Variants in DACH1 observed in about 807,000 individuals in gnomAD.
DACH1 encodes dachshund family transcription factor 1, also known as dachshund homolog 1.
DACH1 carries 12 observed loss-of-function variants against 54.2 expected under a neutral mutation model. That is an observed-to-expected ratio of 0.22 (90% CI 0.14 to 0.36). The LOEUF (loss-of-function observed/expected upper bound fraction) is 0.36. DACH1 is among the 10% of genes least tolerant of loss of function. The pLI is 1.00. For synonymous variants in DACH1, 386 were observed against 366.2 expected (o/e 1.05, Z -0.62); for missense variants, 805 against 929.8 (o/e 0.87, Z 1.75).
chr13:71,497,267 T>C (rs1879512848), intron 6 of DACH1, among the ~76,000 whole-genome samples: 1 of 152,128 alleles, frequency 6.6e-6, no homozygotes, highest in Non-Finnish European at 1.5e-5. Flanking sequence ...ATAAATTTCA[T>C]TTTGGAAACT....
chr13:71,849,377 T>C (rs984510131), intron 1 of DACH1, among the ~76,000 whole-genome samples: 21 of 152,166 alleles, frequency 1.4e-4, no homozygotes, highest in African/African-American at 5.1e-4. Context: ...CTGCACAGTT[T>C]GCTATGGGCA....
chr13:71,627,306 T>C (rs1291318335), intron 3 of DACH1, among the ~76,000 whole-genome samples: 4 of 124,584 alleles, frequency 3.2e-5, no homozygotes, highest in African/African-American at 6.3e-5. Context: ...AGGATTCATT[T>C]ACAATCAAGG....
intron 6 of DACH1, among the ~76,000 whole-genome samples, chr13:71,505,525 TG>T (rs1880243055): frequency 6.6e-6 from 1 of 152,078 alleles, no homozygotes; most frequent in African/African-American, 2.4e-5. Context: ...TATACCTAAA[TG>T]ATTGCACACC....
chr13:71,486,102 TGTC>T (rs1293770529), intron 7 of DACH1, among the ~76,000 whole-genome samples: 2 of 151,900 alleles, frequency 1.3e-5, no homozygotes, highest in Non-Finnish European at 2.9e-5. Context: ...TTGATGATGA[TGTC>T]ATGGAAAGGA....
chr13:71,713,331 C>T (rs1018020814), intron 1 of DACH1, among the ~76,000 whole-genome samples: 2 of 152,074 alleles, frequency 1.3e-5, no homozygotes, highest in Non-Finnish European at 2.9e-5. Flanking sequence ...GAATTTATTT[C>T]TATTGTTTCA....
chr13:71,736,616 A>AT (rs903292229), intron 1 of DACH1, among the ~76,000 whole-genome samples: 16 of 152,028 alleles, frequency 1.1e-4, no homozygotes, highest in East Asian at 1.9e-4. Context: ...GTGCACTGCT[A>AT]TTTTTTTTCC....
intron 1 of DACH1, among the ~76,000 whole-genome samples, chr13:71,698,182 T>C (rs1328078681): frequency 6.6e-6 from 1 of 152,106 alleles, no homozygotes; most frequent in Non-Finnish European, 1.5e-5. Context: ...CGAGACTCCG[T>C]CTTAAAAATA....
chr13:71,582,943 C>A (rs1872953081), intron 3 of DACH1, among the ~76,000 whole-genome samples: 2 of 152,088 alleles, frequency 1.3e-5, no homozygotes, highest in South Asian at 2.1e-4. Context: ...AATACAAGCA[C>A]TCATTTTTAT....
intron 1 of DACH1, among the ~76,000 whole-genome samples, chr13:71,806,239 C>T (rs61956387): frequency 7.9e-5 from 12 of 152,212 alleles, no homozygotes; most frequent in Non-Finnish European, 1.6e-4. Context: ...GAGGAAATGT[C>T]GTTCTAGATT....
intron 7 of DACH1, among the ~76,000 whole-genome samples, chr13:71,486,812 T>TTATCTATCTATCTATC (rs4053561): frequency 4.8e-5 from 2 of 41,760 alleles, no homozygotes; most frequent in African/African-American, 8.9e-5. Context: ...ATTTATTTAT[T>TTATCTATCTATCTATC]TATCTATCTA....
chr13:71,580,106 A>C (rs1480081154), intron 3 of DACH1, among the ~76,000 whole-genome samples: 1 of 152,216 alleles, frequency 6.6e-6, no homozygotes, highest in Non-Finnish European at 1.5e-5. Context: ...CTACAACTTA[A>C]GTATAATTTG....
intron 6 of DACH1, among the ~76,000 whole-genome samples, chr13:71,490,593 T>A (rs914039425): frequency 1.3e-5 from 2 of 152,182 alleles, no homozygotes; most frequent in Non-Finnish European, 2.9e-5. Context: ...AAAGTAGGAC[T>A]CATGTTATTT....
At chr13:71,444,395 T>A (rs984312880) in intron 10 of DACH1, among the ~76,000 whole-genome samples, 9 of 152,156 alleles carry the variant, frequency 5.9e-5, no homozygotes, top group Non-Finnish European at 1.2e-4. Context: ...ATATTGAGAT[T>A]ATCATTCCCA....
intron 2 of DACH1, among the ~76,000 whole-genome samples, chr13:71,661,869 T>C (rs538681778): frequency 1.1e-3 from 165 of 152,128 alleles, no homozygotes; most frequent in South Asian, 1.7e-3. Flanking sequence ...CAGTCACTCG[T>C]TCAGTCCTGC....
chr13:71,841,949 A>G (rs1243194259), intron 1 of DACH1, among the ~76,000 whole-genome samples: 2 of 152,180 alleles, frequency 1.3e-5, no homozygotes. Flanking sequence ...CCTTTCCCCA[A>G]ATTTTCATCT....
At chr13:71,575,818 A>C (rs1171197004) in intron 3 of DACH1, among the ~76,000 whole-genome samples, 2 of 152,106 alleles carry the variant, frequency 1.3e-5, no homozygotes, top group Non-Finnish European at 2.9e-5. Flanking sequence ...ATGTTAGCTC[A>C]TTTGGGTAAT....
chr13:71,792,180 T>C (rs563432252), intron 1 of DACH1, among the ~76,000 whole-genome samples: 1 of 152,336 alleles, frequency 6.6e-6, no homozygotes, highest in African/African-American at 2.4e-5. Context: ...CATTTTACTC[T>C]AACTTTTCCG....
intron 1 of DACH1, among the ~76,000 whole-genome samples, chr13:71,762,057 C>T (rs1008101974): frequency 6.6e-5 from 10 of 152,084 alleles, no homozygotes; most frequent in Non-Finnish European, 1.5e-4. Context: ...ACTACAACCT[C>T]AAAGTCTGTA....
rs577518062 is a variant in DACH1 at position 71,848,749 on chromosome 13, C to T, written c.848+17173G>A. Among the ~76,000 whole-genome samples the T allele has an allele frequency of 5.3e-5, 8 of 152,096 alleles. No individual in the cohort carries two copies. In the East Asian group the frequency reaches 1.5e-3, roughly 29 times the overall value. ...TATGTTGCCCAGGATGGTCTGGAAC[C>T]CCCATGCTCAAGTGATCCTCCCACC... On this transcript the variant is annotated intron_variant, in intron 1 of 10. Coordinates refer to ENST00000613252, the MANE Select transcript of DACH1 (RefSeq NM_080759.6).
Sources: gnomAD v4.1 joint callset for allele counts (sites outside exome capture counted in the v4.1 genomes callset) on GRCh38, gnomAD v4.1.1 for gene constraint, MANE v1.5 for transcripts, NCBI Gene and HGNC (gene_info 2026-07-23, HGNC 2026-07-21) for gene names.